Variants in TRPM3 observed in about 807,000 individuals in gnomAD.
The protein encoded by TRPM3 is long transient receptor potential channel 3.
Under a neutral mutation model 181.2 loss-of-function variants are expected in TRPM3, and 77 were observed. The observed-to-expected ratio is 0.42, with a 90% CI of 0.35 to 0.51. The LOEUF is 0.51. Among genes scored for constraint, TRPM3 ranks in the 20% least tolerant of loss-of-function variants. The pLI, the probability that TRPM3 is intolerant of heterozygous loss-of-function variation, is 0.01. For synonymous variants in TRPM3, 745 were observed against 796.4 expected (o/e 0.94, Z 1.09); for missense variants, 1,759 against 2,196.7 (o/e 0.80, Z 3.98).
intron 1 of TRPM3, among the ~76,000 whole-genome samples, chr9:70,900,426 T>C (rs761699407): frequency 2.0e-4 from 31 of 151,864 alleles, no homozygotes; most frequent in African/African-American, 5.6e-4. Context: ...TGTAGTGACA[T>C]TTGGAATTCA....
chr9:71,248,919 A>G (rs1290703555), intron 1 of TRPM3, among the ~76,000 whole-genome samples: 1 of 152,240 alleles, frequency 6.6e-6, no homozygotes, highest in Non-Finnish European at 1.5e-5. Context: ...AAAAATCTTC[A>G]TGAAGGAAGA....
intron 1 of TRPM3, among the ~76,000 whole-genome samples, chr9:71,141,754 T>C (rs955565732): frequency 3.3e-5 from 5 of 152,180 alleles, no homozygotes; most frequent in African/African-American, 1.2e-4. Context: ...GTTGACTATA[T>C]TTTTTCTCAT....
At chr9:70,836,754 G>A (rs1386095121) in intron 5 of TRPM3, among the ~76,000 whole-genome samples, 1 of 152,040 alleles carries the variant, frequency 6.6e-6, no homozygotes, top group Non-Finnish European at 1.5e-5. Flanking sequence ...TTCCTCATCT[G>A]AATACTCTCC....
At chr9:71,279,364 G>A (rs940648873) in intron 1 of TRPM3, among the ~76,000 whole-genome samples, 69 of 152,288 alleles carry the variant, frequency 4.5e-4, no homozygotes, top group African/African-American at 1.5e-3. Flanking sequence ...GCTTACTGAC[G>A]TTCTCCAGGG....
At chr9:70,868,871 C>T (rs531625528) in intron 1 of TRPM3, 5 of 393,268 alleles carry the variant, frequency 1.3e-5, no homozygotes, top group African/African-American at 6.5e-5. Context: ...TTCATAAGTT[C>T]GTTTTGCCCT....
At chr9:70,762,251 T>C (rs116238063) in intron 7 of TRPM3, among the ~76,000 whole-genome samples, 50 of 152,362 alleles carry the variant, frequency 3.3e-4, no homozygotes, top group African/African-American at 1.1e-3. Flanking sequence ...GGCAGCAGCC[T>C]GTCTGGCCTA....
Position 70,639,149 on chromosome 9 carries a change from T to C in TRPM3, c.1492A>G (p.Arg498Gly). ...QAMLDALVLD[R>G]VDFVKLLIEN... ...ATGAGTAATTTCACAAAATCCACTCTGTCCAGAACTAAGGCATCCAACATG... is the reference window on the plus strand; with the variant it reads ...ATGAGTAATTTCACAAAATCCACTCCGTCCAGAACTAAGGCATCCAACATG... The change falls in exon 11 of 26, where the codon AGA becomes GGA. Residue 498 changes from arginine to glycine, a missense_variant. Arg to Gly is a moderately radical substitution (Grantham distance 125). Transcript: ENST00000677713. 6.2e-7 allele frequency: 1 copy of C among 1,614,052 alleles called. No individual in the cohort carries two copies. The highest frequency in any genetic ancestry group is 8.5e-7 in the Non-Finnish European group (1 of 1,179,924).
At chr9:70,752,578 G>A (rs976551605) in intron 8 of TRPM3, among the ~76,000 whole-genome samples, 11 of 151,876 alleles carry the variant, frequency 7.2e-5, no homozygotes, top group South Asian at 6.2e-4. Flanking sequence ...GCATAATGAC[G>A]TTTCAGTCAA....
intron 9 of TRPM3, among the ~76,000 whole-genome samples, chr9:70,653,743 A>G (rs1191930686): frequency 2.0e-5 from 3 of 151,184 alleles, no homozygotes; most frequent in African/African-American, 4.9e-5. Context: ...CTTTCACCCT[A>G]TACCTCTTTC....
At chr9:70,989,803 T>C (rs2097459156) in intron 1 of TRPM3, among the ~76,000 whole-genome samples, 2 of 152,314 alleles carry the variant, frequency 1.3e-5, no homozygotes, top group Non-Finnish European at 2.9e-5. Flanking sequence ...AAGTTAGATA[T>C]AATAGAAGCA....
intron 5 of TRPM3, among the ~76,000 whole-genome samples, chr9:70,837,456 T>C (rs1300673032): frequency 6.6e-6 from 1 of 152,216 alleles, no homozygotes; most frequent in African/African-American, 2.4e-5. Context: ...TGATGTGTTG[T>C]AAATCTACCC....
chr9:71,439,979 C>A (rs928534011), intron 1 of TRPM3, among the ~76,000 whole-genome samples: 1 of 151,836 alleles, frequency 6.6e-6, no homozygotes, highest in Non-Finnish European at 1.5e-5. Context: ...AAAAATTAGC[C>A]GGGCATGGTG....
intron 1 of TRPM3, among the ~76,000 whole-genome samples, chr9:70,980,256 G>A (rs1362825): frequency 0.071 from 10,733 of 152,126 alleles, 491 homozygotes; most frequent in Middle Eastern, 0.11. Flanking sequence ...AGGCTGTCTA[G>A]AGGAATTGGG....
At chr9:70,658,072 G>A (rs1003604769) in intron 9 of TRPM3, among the ~76,000 whole-genome samples, 2 of 152,152 alleles carry the variant, frequency 1.3e-5, no homozygotes, top group African/African-American at 2.4e-5. Flanking sequence ...AAGGCTTATG[G>A]AAGTTATATC....
intron 1 of TRPM3, among the ~76,000 whole-genome samples, chr9:71,245,763 T>A (rs2082001112): frequency 6.6e-6 from 1 of 152,134 alleles, no homozygotes; most frequent in Admixed American, 6.5e-5. Context: ...GATTTAAATG[T>A]GTCATGATTT....
At position 70,534,452 on chromosome 9, in the gene TRPM3, A is replaced by G. The variant is rs1294433168; in HGVS notation, c.*1501T>C. The G allele has an allele frequency of 6.6e-6, 1 of 152,258 alleles. No individual in the cohort carries two copies. The highest frequency in any genetic ancestry group is 1.5e-5 in the Non-Finnish European group (1 of 68,052). The allele number at this position is 152,258 out of a possible 1,614,324, so 9.4% of individuals were successfully genotyped here. A position where few individuals can be genotyped will look rare whatever the true frequency, so the allele number is the denominator to read the frequency against. On this transcript the variant is annotated 3_prime_UTR_variant, in exon 26 of 26. Transcript: ENST00000677713. ...AATCTTGATTATACTTCAAGGTGAT[A>G]GAAAAGTCCAAGCCTCTTAAGAAAG...
At chr9:71,280,795 A>G (rs2084648810) in intron 1 of TRPM3, among the ~76,000 whole-genome samples, 1 of 152,182 alleles carries the variant, frequency 6.6e-6, no homozygotes, top group Non-Finnish European at 1.5e-5. Flanking sequence ...AAATGCATCA[A>G]TACAAGGGCT....
intron 1 of TRPM3, among the ~76,000 whole-genome samples, chr9:71,289,038 T>G (rs2085546781): frequency 6.6e-6 from 1 of 152,102 alleles, no homozygotes; most frequent in African/African-American, 2.4e-5. Context: ...TACACATTTA[T>G]TTTAAAGATG....
At chr9:71,016,331 C>T (rs2097785214) in intron 1 of TRPM3, among the ~76,000 whole-genome samples, 1 of 151,712 alleles carries the variant, frequency 6.6e-6, no homozygotes, top group African/African-American at 2.4e-5. Flanking sequence ...GCATTAAGTA[C>T]ATTGACATCA....
Sources: gnomAD v4.1 joint callset for allele counts (sites outside exome capture counted in the v4.1 genomes callset) on GRCh38, gnomAD v4.1.1 for gene constraint, MANE v1.5 for transcripts, NCBI Gene and HGNC (gene_info 2026-07-23, HGNC 2026-07-21) for gene names.